Variants in GABRB1 observed in about 807,000 individuals in gnomAD.
GABRB1 encodes the protein gamma-aminobutyric acid type A receptor subunit beta1.
Under a neutral mutation model 51.6 loss-of-function variants are expected in GABRB1, and 17 were observed. The ratio of observed to expected loss-of-function variants is 0.33; its 90% CI spans 0.23 to 0.49. The LOEUF is 0.49. Ranked by LOEUF, GABRB1 falls within the 20% of genes least tolerant of loss-of-function variation. GABRB1 has a pLI of 0.99. For synonymous variants in GABRB1, 247 were observed against 218.9 expected, an observed-to-expected ratio of 1.13 and a Z score of -1.14; for missense variants, 410 against 600.6, an observed-to-expected ratio of 0.68 and a Z score of 3.32.
intron 3 of GABRB1, among the ~76,000 whole-genome samples, chr4:47,037,048 G>T (rs908681436): frequency 1.3e-5 from 2 of 152,102 alleles, no homozygotes; most frequent in Non-Finnish European, 2.9e-5. Flanking sequence ...GGAGCCTGGA[G>T]ATGGGGCTTG....
intron 3 of GABRB1, among the ~76,000 whole-genome samples, chr4:47,079,904 C>T (rs944340080): frequency 2.0e-5 from 3 of 151,196 alleles, no homozygotes; most frequent in Non-Finnish European, 2.9e-5. Context: ...TTTTAAATGA[C>T]GAGTTAATGG....
At chr4:46,998,671 T>C (rs1724080387) in intron 1 of GABRB1, among the ~76,000 whole-genome samples, 1 of 148,944 alleles carries the variant, frequency 6.7e-6, no homozygotes, top group Admixed American at 6.8e-5. Flanking sequence ...GAGGCGGAGC[T>C]TGCAGTGAGC....
chr4:47,248,075 T>A (rs1420689465), intron 4 of GABRB1, among the ~76,000 whole-genome samples: 4 of 152,116 alleles, frequency 2.6e-5, no homozygotes, highest in Non-Finnish European at 5.9e-5. Flanking sequence ...AGAGTGAACA[T>A]CCTTGTCTTA....
At chr4:47,238,478 GAA>G (rs1229662311) in intron 4 of GABRB1, among the ~76,000 whole-genome samples, 2 of 152,048 alleles carry the variant, frequency 1.3e-5, no homozygotes, top group African/African-American at 4.8e-5. Context: ...ACTTGTGTTG[GAA>G]ACTATGCAAC....
chr4:47,311,411 CAA>C (rs71276540), intron 4 of GABRB1, among the ~76,000 whole-genome samples: 18 of 46,350 alleles, frequency 3.9e-4, no homozygotes, highest in East Asian at 6.1e-4. Flanking sequence ...GACTCTGTCT[CAA>C]AAAAAAAAAA....
chr4:47,042,395 AT>A (rs377169906), intron 3 of GABRB1, among the ~76,000 whole-genome samples: 45,259 of 107,676 alleles, frequency 0.42, 9,512 homozygotes, highest in Middle Eastern at 0.57. Context: ...GTATGTGTAC[AT>A]GTATGTGTAT....
chr4:47,406,161 C>A (rs1422744100), intron 7 of GABRB1, among the ~76,000 whole-genome samples: 1 of 152,190 alleles, frequency 6.6e-6, no homozygotes, highest in African/African-American at 2.4e-5. Flanking sequence ...AAGAATGACA[C>A]ACAATCATTT....
intron 3 of GABRB1, among the ~76,000 whole-genome samples, chr4:47,143,323 T>A: frequency 6.6e-6 from 1 of 151,900 alleles, no homozygotes; most frequent in East Asian, 1.9e-4. Context: ...GTAGATTGTA[T>A]AAAATGTGTC....
chr4:47,036,319 A>C (rs1725565274), intron 3 of GABRB1, among the ~76,000 whole-genome samples: 1 of 152,194 alleles, frequency 6.6e-6, no homozygotes, highest in African/African-American at 2.4e-5. Flanking sequence ...TCTCATTACT[A>C]TCACTGTGGT....
intron 7 of GABRB1, among the ~76,000 whole-genome samples, chr4:47,404,718 A>G (rs1728511274): frequency 6.6e-6 from 1 of 152,222 alleles, no homozygotes. Context: ...ACAGCCTAAG[A>G]TTAAAGAAAG....
intron 3 of GABRB1, among the ~76,000 whole-genome samples, chr4:47,128,485 G>A (rs1314307857): frequency 6.6e-6 from 1 of 151,790 alleles, no homozygotes; most frequent in Non-Finnish European, 1.5e-5. Context: ...CAGATAAAAG[G>A]AAAGATATTA....
intron 4 of GABRB1, among the ~76,000 whole-genome samples, chr4:47,229,987 G>A (rs1198375909): frequency 6.6e-6 from 1 of 152,102 alleles, no homozygotes; most frequent in Admixed American, 6.6e-5. Flanking sequence ...TAGCAAATAG[G>A]AAATTTGCAA....
At position 47,354,991 on chromosome 4, in the gene GABRB1, T is replaced by TG. The variant is rs1484367809; in HGVS notation, c.544+34782_544+34783insG. On this transcript the variant is annotated intron_variant, in intron 5 of 8. Transcript: ENST00000295454. ...TTCTTTCTTCCTTTGTTTTTTTTTT[T>TG]TTTTTTTTTTTTTTGACAGAATCTC... is the stretch of plus-strand genomic sequence containing the variant. Among the ~76,000 whole-genome samples the TG allele has an allele frequency of 1.8e-4, 24 of 135,486 alleles. 1 individual carries two copies. Among genetic ancestry groups the TG allele is most frequent in the Non-Finnish European group, 2.2e-4 (14 of 62,846 alleles). 88.9% of individuals were successfully genotyped at this position (135,486 alleles called of 152,430 possible). A position where few individuals can be genotyped will look rare whatever the true frequency, so the allele number is the denominator to read the frequency against.
rs931855659 is a variant in GABRB1 at position 47,119,906 on chromosome 4, A to G, written c.241-41343A>G. Among the ~76,000 whole-genome samples the G allele has an allele frequency of 2.6e-5, 4 of 152,334 alleles. No homozygotes were observed. In the South Asian group the frequency reaches 6.2e-4, roughly 24 times the overall value. On this transcript the variant is annotated intron_variant, in intron 3 of 8. Coordinates refer to ENST00000295454, the MANE Select transcript of GABRB1 (RefSeq NM_000812.4). Reference sequence around the variant, plus strand: ...GATTTTAAAAGGCTGTTTCAAAAAAAAAAGGGCATGTGGCCAATAAGCTTC... The same window carrying G: ...GATTTTAAAAGGCTGTTTCAAAAAAGAAAGGGCATGTGGCCAATAAGCTTC...
chr4:47,292,780 C>G (rs183463494), intron 4 of GABRB1, among the ~76,000 whole-genome samples: 13 of 152,184 alleles, frequency 8.5e-5, no homozygotes, highest in African/African-American at 2.9e-4. Context: ...TGTCATCCCA[C>G]AGGTAAAGGT....
chr4:47,253,796 A>G (rs1415142319), intron 4 of GABRB1, among the ~76,000 whole-genome samples: 1 of 152,142 alleles, frequency 6.6e-6, no homozygotes, highest in African/African-American at 2.4e-5. Context: ...TTAGGGCACA[A>G]TTTTCCAGAA....
intron 3 of GABRB1, among the ~76,000 whole-genome samples, chr4:47,098,809 G>A (rs1389101868): frequency 6.6e-6 from 1 of 152,042 alleles, no homozygotes; most frequent in East Asian, 1.9e-4. Flanking sequence ...TCAATCCAGA[G>A]TTTTGCTAAT....
In GABRB1 at chr4:47,317,571, G is replaced by GA. The variant is rs1022156847; in HGVS notation, c.462-2548dup. On this transcript the variant is annotated intron_variant, in intron 4 of 8. Transcript: ENST00000295454. ...AGCATAGTGTTTTGTAAAACATTTTGAAAAAAAATTTAATTAAACTTGAAA... is the reference window on the plus strand; with the variant it reads ...AGCATAGTGTTTTGTAAAACATTTTGAAAAAAAAATTTAATTAAACTTGAAA... Among the ~76,000 whole-genome samples, 14 of 151,554 alleles carry GA rather than the reference G, an allele frequency of 9.2e-5. 2 individuals are homozygous for GA. Among genetic ancestry groups the GA allele is most frequent in the African/African-American group, 3.4e-4 (14 of 41,424 alleles).
At chr4:47,018,395 T>A (rs1471905914) in intron 1 of GABRB1, among the ~76,000 whole-genome samples, 1 of 152,138 alleles carries the variant, frequency 6.6e-6, no homozygotes, top group African/African-American at 2.4e-5. Flanking sequence ...TCTAGTCAAT[T>A]GTTAAATTGC....
Sources: allele counts gnomAD v4.1 joint callset (sites outside exome capture counted in the v4.1 genomes callset), GRCh38; gene constraint gnomAD v4.1.1; transcripts MANE v1.5; gene names NCBI Gene and HGNC (gene_info 2026-07-23, HGNC 2026-07-21).